GPD2: variants seen among roughly 807,000 people sequenced by gnomAD.
GPD2 encodes the protein glycerol-3-phosphate dehydrogenase 2.
In GPD2, 54 loss-of-function variants were observed where a neutral mutation model predicts 82.4. The ratio of observed to expected loss-of-function variants is 0.66; its 90% confidence interval spans 0.53 to 0.82. The LOEUF (loss-of-function observed/expected upper bound fraction) is 0.82, where lower values mean the gene tolerates loss of function less well. Ranked by LOEUF, GPD2 falls within the 40% of genes least tolerant of loss-of-function variation. GPD2 has a pLI of 0.00. For missense variants in GPD2, 748 were observed against 896.2 expected (o/e 0.83, Z 2.11); for synonymous variants, 288 against 306.1 (o/e 0.94, Z 0.62).
At chr2:156,546,919 C>CTTGT (rs1686562981) in intron 6 of GPD2, among the ~76,000 whole-genome samples, 1 of 4,724 alleles carries the variant, frequency 2.1e-4, no homozygotes, top group African/African-American at 2.6e-4. Flanking sequence ...AATTTCAATA[C>CTTGT]CTGTTTAACA....
chr2:156,403,242 T>C, the GPD2 span, among the ~76,000 whole-genome samples: 2 of 152,288 alleles, frequency 1.3e-5, no homozygotes, highest in Admixed American at 1.3e-4. Flanking sequence ...CTAGTTTACC[T>C]AGCCCAAGGA....
chr2:156,467,095 C>A (rs1044044461), intron 1 of GPD2, among the ~76,000 whole-genome samples: 2 of 151,884 alleles, frequency 1.3e-5, no homozygotes, highest in Non-Finnish European at 2.9e-5. Context: ...CTCTTTGTTT[C>A]ATGATTTTTT....
chr2:156,571,438 T>G, intron 13 of GPD2, 146 bp downstream of exon 13: 28 of 439,778 alleles, frequency 6.4e-5, no homozygotes, highest in Non-Finnish European at 6.8e-5. Flanking sequence ...TGTTAGGCCT[T>G]AGGAAAATGG....
intron 3 of GPD2, among the ~76,000 whole-genome samples, chr2:156,505,075 G>T (rs757027321): frequency 6.6e-6 from 1 of 152,028 alleles, no homozygotes; most frequent in African/African-American, 2.4e-5. Flanking sequence ...AAAGTTAAAT[G>T]TCGTACCATT....
At chr2:156,446,404 A>G (rs763176742) in intron 1 of GPD2, among the ~76,000 whole-genome samples, 6 of 152,086 alleles carry the variant, frequency 3.9e-5, no homozygotes, top group Non-Finnish European at 8.8e-5. Flanking sequence ...CCTTAAACAC[A>G]TAATCTTGAA....
At chr2:156,401,226 A>T in the GPD2 span, among the ~76,000 whole-genome samples, 1 of 152,324 alleles carries the variant, frequency 6.6e-6, no homozygotes, top group South Asian at 2.1e-4. Flanking sequence ...GCTTATAGCA[A>T]ATGTGCTTTT....
chr2:156,457,706 G>A (rs1421323624), intron 1 of GPD2, among the ~76,000 whole-genome samples: 1 of 152,190 alleles, frequency 6.6e-6, no homozygotes, highest in Non-Finnish European at 1.5e-5. Flanking sequence ...CAGGGTTGTG[G>A]CCCGATGGAA....
At chr2:156,475,800 C>T (rs1204201042) in intron 1 of GPD2, among the ~76,000 whole-genome samples, 1 of 152,200 alleles carries the variant, frequency 6.6e-6, no homozygotes, top group Non-Finnish European at 1.5e-5. Flanking sequence ...TTTCTTTTCA[C>T]AGTTCTTTTG....
intron 13 of GPD2, among the ~76,000 whole-genome samples, chr2:156,576,435 A>G (rs1687823419): frequency 6.6e-6 from 1 of 150,422 alleles, no homozygotes; most frequent in Non-Finnish European, 1.5e-5. Flanking sequence ...AAAGCACATG[A>G]TACTATCTTT....
intron 3 of GPD2, among the ~76,000 whole-genome samples, chr2:156,497,674 G>A (rs1684435204): frequency 6.6e-6 from 1 of 152,028 alleles, no homozygotes; most frequent in Admixed American, 6.6e-5. Context: ...AAGTACCCTA[G>A]ATGACTGATT....
At chr2:156,478,306 G>C (rs1399150928) in intron 2 of GPD2, among the ~76,000 whole-genome samples, 1 of 152,130 alleles carries the variant, frequency 6.6e-6, no homozygotes, top group Non-Finnish European at 1.5e-5. Context: ...ATGGATAGCA[G>C]CAGCTTGAAG....
the GPD2 span, among the ~76,000 whole-genome samples, chr2:156,428,590 G>C: frequency 6.6e-6 from 1 of 152,184 alleles, no homozygotes; most frequent in East Asian, 1.9e-4. Context: ...ATTCTCAGAA[G>C]CTTGGCTAGC....
rs571891161 is a variant in GPD2, at chr2:156,579,672, T to C, written c.1960-18T>C. The C allele has an allele frequency of 1.6e-5, 18 of 1,113,302 alleles. No homozygotes were observed. In the South Asian group the frequency reaches 2.2e-4, roughly 14 times the overall value. The allele number at this position is 1,113,302 out of a possible 1,614,324, so 69.0% of individuals were successfully genotyped here. ...TTTTTAATCAAACTGTATTATTCTA[T>C]GCTTTTCTTTTACTTAGAGTATCAA... On this transcript the variant is annotated intron_variant, in intron 15 of 16. Transcript: ENST00000438166.
At chr2:156,510,739 T>C in intron 3 of GPD2, 57 bp from the exon 4 acceptor site, 5 of 1,455,816 alleles carry the variant, frequency 3.4e-6, no homozygotes, top group Non-Finnish European at 2.9e-6. Flanking sequence ...GTGCCTTTAA[T>C]GAATTACATA....
rs148386302 is a variant in GPD2, at chr2:156,542,765, T to C, written c.662-6843T>C. 1.4e-3 allele frequency among the ~76,000 whole-genome samples: 218 copies of C among 152,302 alleles called. 3 individuals carry two copies. The highest frequency in any genetic ancestry group is 4.4e-3 in the African/African-American group (181 of 41,584). ...GCCTCCTTTATGAATTTTCTCTAAT[T>C]CTTGCTTAACTTGAACACTTTCTGT... On this transcript the variant is annotated intron_variant, in intron 6 of 16. Coordinates refer to ENST00000438166, the MANE Select transcript of GPD2 (RefSeq NM_000408.5).
chr2:156,476,262 C>G, intron 2 of GPD2, 55 bp downstream of exon 2: 1 of 937,514 alleles, frequency 1.1e-6, no homozygotes, highest in East Asian at 2.4e-5. Context: ...TGCTAAAGAG[C>G]TGTCTATGGG....
upstream of GPD2, among the ~76,000 whole-genome samples, chr2:156,433,318 C>T (rs940015285): frequency 6.6e-6 from 1 of 152,182 alleles, no homozygotes; most frequent in Non-Finnish European, 1.5e-5. Context: ...TCTGACGCTC[C>T]CTAAACTGCT....
At chr2:156,534,848 A>G (rs1426430767) in intron 6 of GPD2, among the ~76,000 whole-genome samples, 2 of 152,112 alleles carry the variant, frequency 1.3e-5, no homozygotes, top group African/African-American at 4.8e-5. Context: ...ACAGACAAGG[A>G]AACCATTGAT....
Position 156,539,229 on chromosome 2 carries a change from G to A in GPD2, c.662-10379G>A, listed in dbSNP as rs142208059. On this transcript the variant is annotated intron_variant, in intron 6 of 16. Transcript: ENST00000438166. ...GTTTACAAATGCTTTCACATATGCT[G>A]GAATCTGATTATTTCAGCGGTTCTA... Among the ~76,000 whole-genome samples the A allele has an allele frequency of 3.3e-3, 501 of 152,266 alleles. 5 individuals are homozygous for A. Among genetic ancestry groups the A allele is most frequent in the Non-Finnish European group, 4.6e-3 (312 of 68,016 alleles).
Sources: allele counts gnomAD v4.1 joint callset (sites outside exome capture counted in the v4.1 genomes callset), GRCh38; gene constraint gnomAD v4.1.1; transcripts MANE v1.5; gene names NCBI Gene and HGNC (gene_info 2026-07-23, HGNC 2026-07-21).